Variants in SP100 observed in about 807,000 individuals in gnomAD.
The protein encoded by SP100 is nuclear autoantigen Sp-100.
A neutral mutation model predicts 130.0 loss-of-function variants in SP100; 84 were observed. That is an observed-to-expected ratio of 0.65 (90% CI 0.54 to 0.77). The LOEUF is 0.77. Ranked by LOEUF, SP100 falls within the 30% of genes least tolerant of loss-of-function variation. SP100 has a pLI of 0.00. For missense variants in SP100, 978 were observed against 1,052.2 expected, an observed-to-expected ratio of 0.93 and a Z score of 0.97; for synonymous variants, 331 against 351.7, an observed-to-expected ratio of 0.94 and a Z score of 0.66.
chr2:230,540,566 G>A (rs151267095), intron 25 of SP100, among the ~76,000 whole-genome samples: 53 of 152,270 alleles, frequency 3.5e-4, no homozygotes, highest in African/African-American at 9.4e-4. Context: ...TCCATTAACT[G>A]TAGCAAACCG....
intron 18 of SP100, among the ~76,000 whole-genome samples, chr2:230,495,625 A>G (rs1380202018): frequency 6.6e-6 from 1 of 152,212 alleles, no homozygotes. Context: ...ATCAGAGCAT[A>G]TGCCACACTG....
At chr2:230,454,929 TATTA>T (rs1432789790) in intron 8 of SP100, among the ~76,000 whole-genome samples, 1 of 152,240 alleles carries the variant, frequency 6.6e-6, no homozygotes, top group Non-Finnish European at 1.5e-5. Flanking sequence ...CCTTCAGATC[TATTA>T]ATATTTGTTT....
intron 2 of SP100, among the ~76,000 whole-genome samples, chr2:230,441,078 C>G (rs1041725112): frequency 1.3e-5 from 2 of 151,958 alleles, no homozygotes; most frequent in African/African-American, 4.8e-5. Flanking sequence ...ATAAATCAGA[C>G]AAAACACTTC....
intron 2 of SP100, among the ~76,000 whole-genome samples, chr2:230,424,440 G>T (rs2062859567): frequency 6.6e-6 from 1 of 152,140 alleles, no homozygotes; most frequent in East Asian, 1.9e-4. Flanking sequence ...GCTGAGGCAG[G>T]CGGATCACCT....
chr2:230,464,522 C>T (rs1477684520), intron 11 of SP100, among the ~76,000 whole-genome samples: 3 of 152,176 alleles, frequency 2.0e-5, no homozygotes, highest in Non-Finnish European at 2.9e-5. Flanking sequence ...TAAGCACAGT[C>T]TTCCTTTGTT....
chr2:230,541,809 G>A, intron 27 of SP100, 83 bp from the exon 28 acceptor site: 1 of 1,448,844 alleles, frequency 6.9e-7, no homozygotes. Context: ...ATGGATTGGG[G>A]GAACTCCACA....
At chr2:230,510,134 TC>T (rs1197902500) in intron 23 of SP100, 1 of 152,626 alleles carries the variant, frequency 6.6e-6, no homozygotes, top group Non-Finnish European at 1.5e-5. Flanking sequence ...ATGCCTTGGA[TC>T]CCACTGAGTG....
chr2:230,440,448 A>G (rs2063433862), intron 2 of SP100: 1 of 815,142 alleles, frequency 1.2e-6, no homozygotes, highest in African/African-American at 1.8e-5. Flanking sequence ...TTTTAAATTT[A>G]ATTAAATTAA....
At chr2:230,443,710 G>A (rs1185461136) in intron 3 of SP100, among the ~76,000 whole-genome samples, 1 of 152,076 alleles carries the variant, frequency 6.6e-6, no homozygotes, top group Non-Finnish European at 1.5e-5. Context: ...ACAGAGCAGC[G>A]AGTCATCTCT....
At chr2:230,453,868 A>G (rs973810546) in intron 8 of SP100, among the ~76,000 whole-genome samples, 8 of 152,184 alleles carry the variant, frequency 5.3e-5, no homozygotes, top group Non-Finnish European at 1.2e-4. Context: ...TTTGAAAAAG[A>G]TTGCTATTTG....
chr2:230,449,205 A>G lies in SP100; in HGVS notation c.586+55A>G, dbSNP rs2063846603. ...TCTGCTATTCTTGCCCCTTTCTGGA[A>G]TGTGCTGTGGGGTTGCCTCTTTGTG... On this transcript the variant is annotated intron_variant, in intron 6 of 28. Coordinates refer to ENST00000340126, the MANE Select transcript of SP100 (RefSeq NM_001080391.2). 2.3e-5 allele frequency: 37 copies of G among 1,577,798 alleles called. No individual in the cohort carries two copies. The South Asian group carries it at 3.8e-4, about 16-fold the overall frequency.
At chr2:230,468,213 A>G (rs966243640) in intron 13 of SP100, among the ~76,000 whole-genome samples, 1 of 152,062 alleles carries the variant, frequency 6.6e-6, no homozygotes, top group African/African-American at 2.4e-5. Context: ...AACAACCCAA[A>G]CTCTTAATAA....
chr2:230,444,565 C>A (rs2063612142), intron 4 of SP100, among the ~76,000 whole-genome samples: 1 of 152,158 alleles, frequency 6.6e-6, no homozygotes, highest in African/African-American at 2.4e-5. Flanking sequence ...ACTCACAGGA[C>A]AACCAGAGCC....
intron 17 of SP100, among the ~76,000 whole-genome samples, chr2:230,475,970 C>T (rs1649929): frequency 0.86 from 130,516 of 151,892 alleles, 56,868 homozygotes; most frequent in African/African-American, 0.96. Flanking sequence ...TTGGGCAACG[C>T]GATGCCTCTA....
At position 230,449,620 on chromosome 2, in the gene SP100, G is replaced by A. The variant is rs1329305951; in HGVS notation, c.646G>A (p.Ala216Thr). Residue 216 changes from alanine to threonine, a missense_variant, in exon 7 of 29, where the codon GCA (alanine) becomes ACA (threonine). Ala to Thr is a moderately conservative substitution (Grantham distance 58). Coordinates refer to ENST00000340126, the MANE Select transcript of SP100 (RefSeq NM_001080391.2). The stretch of plus-strand genomic sequence containing the variant: ...CCCCTGTGAAACAGAACAGATAAAT[G>A]CAAAGAGAAAAGATACAACCAGTGA... ...EHPCETEQIN[A>T]KRKDTTSDKD... 1.2e-6 allele frequency: 2 copies of A among 1,614,080 alleles called. No individual in the cohort carries two copies. Among genetic ancestry groups the A allele is most frequent in the South Asian group, 1.1e-5 (1 of 91,076 alleles).
At chr2:230,542,169 T>C (rs1575825105) in intron 28 of SP100, 134 bp downstream of exon 28, 2 of 965,886 alleles carry the variant, frequency 2.1e-6, no homozygotes, top group East Asian at 2.5e-5. Flanking sequence ...GTACAAATCC[T>C]GGAAGTATCC....
chr2:230,426,650 T>G (rs1355322073), intron 2 of SP100, among the ~76,000 whole-genome samples: 4 of 152,218 alleles, frequency 2.6e-5, no homozygotes, highest in Admixed American at 2.6e-4. Context: ...TGTTAAGACT[T>G]CTTTTGTGGC....
intron 2 of SP100, among the ~76,000 whole-genome samples, chr2:230,436,965 T>C (rs780734671): frequency 0.029 from 2,669 of 92,370 alleles, 45 homozygotes; most frequent in African/African-American, 0.042. Context: ...TACACACACA[T>C]ATATATGTGT....
intron 17 of SP100, among the ~76,000 whole-genome samples, chr2:230,478,207 C>T (rs1338883466): frequency 6.6e-6 from 1 of 152,062 alleles, no homozygotes; most frequent in Admixed American, 6.5e-5. Flanking sequence ...CAATTTATTA[C>T]CTACTTGCAT....
Sources: gnomAD v4.1 joint callset for allele counts (sites outside exome capture counted in the v4.1 genomes callset) on GRCh38, gnomAD v4.1.1 for gene constraint, MANE v1.5 for transcripts, NCBI Gene and HGNC (gene_info 2026-07-23, HGNC 2026-07-21) for gene names.